ORC5: variants seen among roughly 807,000 people sequenced by gnomAD.
The protein encoded by ORC5 is protein phosphatase 1, regulatory subunit 117.
In ORC5, 39 loss-of-function variants were observed where a neutral mutation model predicts 58.8. That is an observed-to-expected ratio of 0.66 (90% confidence interval 0.51 to 0.87). ORC5 has a LOEUF of 0.87. ORC5 is among the 40% of genes least tolerant of loss of function. The pLI, the probability that ORC5 is intolerant of heterozygous loss-of-function variation, is 0.00. For missense variants in ORC5, 493 were observed against 506.3 expected (o/e 0.97, Z 0.25); for synonymous variants, 218 against 177.6 (o/e 1.23, Z -1.81).
chr7:104,207,776 C>T, intron 1 of ORC5, 57 bp downstream of exon 1: 1 of 1,522,720 alleles, frequency 6.6e-7, no homozygotes, highest in African/African-American at 1.4e-5. Context: ...TGGAACAGGT[C>T]GCAAGACTAC....
intron 6 of ORC5, 193 bp from the exon 7 acceptor site, chr7:104,184,364 C>T (rs207468353): frequency 1.8e-6 from 1 of 564,456 alleles, no homozygotes; most frequent in African/African-American, 1.9e-5. Context: ...AGGGGGATTG[C>T]TTGAGCCCAG....
chr7:104,146,350 A>AGT (rs1339860560), intron 12 of ORC5, among the ~76,000 whole-genome samples: 1 of 152,226 alleles, frequency 6.6e-6, no homozygotes, highest in East Asian at 1.9e-4. Flanking sequence ...CATAAAAACT[A>AGT]GTACATGAAT....
At chr7:104,202,989 G>A (rs1799980958) in intron 2 of ORC5, among the ~76,000 whole-genome samples, 1 of 152,196 alleles carries the variant, frequency 6.6e-6, no homozygotes, top group Non-Finnish European at 1.5e-5. Context: ...AGCACAGGGT[G>A]CTAAGGTTGC....
intron 2 of ORC5, among the ~76,000 whole-genome samples, chr7:104,201,994 G>A (rs933680912): frequency 8.5e-5 from 13 of 152,102 alleles, no homozygotes; most frequent in African/African-American, 3.1e-4. Context: ...GGAGGCTGAG[G>A]TGGAAGTATC....
At position 104,126,534 on chromosome 7, in the gene ORC5, C is replaced by CCT. The variant is rs1253255844; in HGVS notation, c.*312_*313dup. 6 of 249,780 alleles carry CCT rather than the reference C, an allele frequency of 2.4e-5. No individual in the cohort carries two copies. Among genetic ancestry groups the CCT allele is most frequent in the Non-Finnish European group, 4.6e-5 (6 of 131,594 alleles). The allele number at this position is 249,780 out of a possible 1,614,324, so 15.5% of individuals were successfully genotyped here. A position where few individuals can be genotyped will look rare whatever the true frequency, so the allele number is the denominator to read the frequency against. ...GATAGTTCACAGAGCAAAATGTAGT[C>CCT]CTAAGTAAATGGGTTTCAGGCAATT... is the stretch of plus-strand genomic sequence containing the variant. On this transcript the variant is annotated 3_prime_UTR_variant, in exon 14 of 14. Coordinates refer to ENST00000297431, the MANE Select transcript of ORC5 (RefSeq NM_002553.4).
intron 4 of ORC5, 46 bp downstream of exon 4, chr7:104,197,679 C>G: frequency 8.1e-7 from 1 of 1,239,416 alleles, no homozygotes; most frequent in Non-Finnish European, 1.2e-6. Flanking sequence ...ACAACACAAT[C>G]CATTGATTAA....
intron 11 of ORC5, among the ~76,000 whole-genome samples, chr7:104,163,934 A>G (rs1453140301): frequency 6.6e-6 from 1 of 152,232 alleles, no homozygotes; most frequent in South Asian, 2.1e-4. Context: ...TTGAAATCAT[A>G]GAATTTTTTA....
chr7:104,183,666 C>T (rs1359449837), intron 8 of ORC5, among the ~76,000 whole-genome samples: 1 of 152,250 alleles, frequency 6.6e-6, no homozygotes, highest in African/African-American at 2.4e-5. Flanking sequence ...CTGTCCAGCT[C>T]TGAACTGGCG....
intron 11 of ORC5, among the ~76,000 whole-genome samples, chr7:104,164,959 T>C (rs1445399877): frequency 6.6e-6 from 1 of 152,206 alleles, no homozygotes; most frequent in Non-Finnish European, 1.5e-5. Flanking sequence ...TGTATTCAAT[T>C]GGCTGTATTT....
At chr7:104,175,635 G>C (rs1799306738) in intron 8 of ORC5, among the ~76,000 whole-genome samples, 1 of 152,184 alleles carries the variant, frequency 6.6e-6, no homozygotes, top group South Asian at 2.1e-4. Context: ...TAGGCTCTCA[G>C]ATCAAAGAGG....
In ORC5 at chr7:104,207,937, C is replaced by T. The variant is rs1443879576; in HGVS notation, c.-33G>A. On this transcript the variant is annotated 5_prime_UTR_variant, in exon 1 of 14. Coordinates refer to ENST00000297431, the MANE Select transcript of ORC5 (RefSeq NM_002553.4). ...GGCACCACCGCAGAGGCCAGTGCAGCCAGCCCACAGGACCCTTGCACAAGA... is the reference window on the plus strand; with the variant it reads ...GGCACCACCGCAGAGGCCAGTGCAGTCAGCCCACAGGACCCTTGCACAAGA... 2 of 1,602,142 alleles carry T rather than the reference C, an allele frequency of 1.2e-6. No individual in the cohort carries two copies. Among genetic ancestry groups the T allele is most frequent in the African/African-American group, 1.3e-5 (1 of 74,674 alleles).
intron 4 of ORC5, 34 bp from the exon 5 acceptor site, chr7:104,195,288 T>G: frequency 8.2e-7 from 1 of 1,213,504 alleles, no homozygotes; most frequent in Non-Finnish European, 1.2e-6. Flanking sequence ...TAACTTCGCA[T>G]TTAAAAATCT....
chr7:104,134,203 A>C (rs1429085058), intron 13 of ORC5, among the ~76,000 whole-genome samples: 2 of 151,936 alleles, frequency 1.3e-5, no homozygotes, highest in East Asian at 1.9e-4. Context: ...AGGCAGATCA[A>C]CTTGAGGTCA....
rs914318985 is a variant in ORC5, at chr7:104,138,626, G to A, written c.1150-1733C>T. On this transcript the variant is annotated intron_variant, in intron 12 of 13. Coordinates refer to ENST00000297431, the MANE Select transcript of ORC5 (RefSeq NM_002553.4). This position sits in a 1 kb window ranked among gnomAD's most constrained non-coding sequence, Gnocchi z 4.7. The stretch of plus-strand genomic sequence containing the variant: ...CCCAGACTCAGGTGATCCTCCCACA[G>A]CAGCCTCCTGAGTAGCTGGTACTAT... 6.6e-6 allele frequency among the ~76,000 whole-genome samples: 1 copy of A among 151,876 alleles called. No homozygotes were observed. Among genetic ancestry groups the A allele is most frequent in the African/African-American group, 2.4e-5 (1 of 41,346 alleles).
intron 1 of ORC5, among the ~76,000 whole-genome samples, chr7:104,206,500 G>T (rs1222251205): frequency 1.3e-5 from 2 of 152,178 alleles, no homozygotes; most frequent in Non-Finnish European, 2.9e-5. Context: ...TAGATGAAAT[G>T]CAGAGAACAT....
chr7:104,161,221 T>C (rs768052128), intron 11 of ORC5, 39 bp from the exon 12 acceptor site: 5 of 1,101,424 alleles, frequency 4.5e-6, no homozygotes, highest in Non-Finnish European at 5.6e-6. Flanking sequence ...TTTCTTCTTA[T>C]ACCAGAGCAC....
At position 104,186,859 on chromosome 7, in the gene ORC5, C is replaced by T. The variant is rs1326828948; in HGVS notation, c.684+1392G>A. ...GTAGTATAAGACTTAAACCATACTACACATTTATGAATATTATTTTTTAAA... is the reference window on the plus strand; with the variant it reads ...GTAGTATAAGACTTAAACCATACTATACATTTATGAATATTATTTTTTAAA... On this transcript the variant is annotated intron_variant, in intron 6 of 13. Coordinates refer to ENST00000297431, the MANE Select transcript of ORC5 (RefSeq NM_002553.4). Among the ~76,000 whole-genome samples the T allele has an allele frequency of 2.6e-5, 4 of 152,136 alleles. No individual in the cohort carries two copies. The South Asian group carries it at 8.3e-4, about 31-fold the overall frequency.
At chr7:104,127,522 C>T (rs1030767139) in intron 13 of ORC5, among the ~76,000 whole-genome samples, 1 of 145,940 alleles carries the variant, frequency 6.9e-6, no homozygotes, top group South Asian at 2.2e-4. Context: ...TCACAAAACT[C>T]ATTCTTCACT....
Position 104,183,953 on chromosome 7 carries a change from C to T in ORC5, c.814G>A (p.Glu272Lys). ...KKAMQTVYLREISSSQWEKLQ... is the reference protein window; with the variant it reads ...KKAMQTVYLRKISSSQWEKLQ... Reference sequence around the variant, plus strand: ...TAAATAGAAAATTACCTTGATATTTCCCTGAGATAAACAGTCTGCATAGCT... The same window carrying T: ...TAAATAGAAAATTACCTTGATATTTTCCTGAGATAAACAGTCTGCATAGCT... Residue 272 changes from glutamate (E) to lysine (K), a missense_variant, in exon 8 of 14, where the codon GAA (glutamate) becomes AAA (lysine). Around this residue, in one of 3 missense-constraint regions of ORC5, gnomAD observed 412 missense variants for 403.7 expected, o/e 1.02. Transcript: ENST00000297431. 1 of 1,606,666 alleles carries T rather than the reference C, an allele frequency of 6.2e-7. No homozygotes were observed. The highest frequency in any genetic ancestry group is 1.3e-5 in the African/African-American group (1 of 74,746).
Sources: allele counts gnomAD v4.1 joint callset (sites outside exome capture counted in the v4.1 genomes callset), GRCh38; gene constraint gnomAD v4.1.1; regional missense constraint gnomAD v4.1.1; non-coding constraint Gnocchi (gnomAD v3.1); transcripts MANE v1.5; gene names NCBI Gene and HGNC (gene_info 2026-07-23, HGNC 2026-07-21).